NKAIN1: variants seen among roughly 807,000 people sequenced by gnomAD.
NKAIN1 encodes sodium/potassium-transporting ATPase subunit beta-1-interacting protein 1.
A neutral mutation model predicts 31.6 loss-of-function variants in NKAIN1; 13 were observed. The ratio of observed to expected loss-of-function variants is 0.41; its 90% CI spans 0.27 to 0.65. NKAIN1 has a LOEUF of 0.65. Ranked by LOEUF, NKAIN1 falls within the 30% of genes least tolerant of loss-of-function variation. The pLI, the probability that NKAIN1 is intolerant of heterozygous loss-of-function variation, is 0.30. For synonymous variants in NKAIN1, 104 were observed against 109.0 expected (o/e 0.95, Z 0.28); for missense variants, 193 against 262.2 (o/e 0.74, Z 1.82).
intron 1 of NKAIN1, among the ~76,000 whole-genome samples, chr1:31,222,372 C>A (rs1360521662): frequency 6.6e-6 from 1 of 152,224 alleles, no homozygotes; most frequent in East Asian, 1.9e-4. Flanking sequence ...GGGACCCCTG[C>A]TGGGCAAAGG....
chr1:31,218,652 A>G (rs936899849), intron 1 of NKAIN1, among the ~76,000 whole-genome samples: 3 of 152,196 alleles, frequency 2.0e-5, no homozygotes, highest in Non-Finnish European at 4.4e-5. Context: ...AGAGTTGATC[A>G]GGTGCATCAA....
chr1:31,210,768 C>T (rs932338465), intron 1 of NKAIN1, among the ~76,000 whole-genome samples: 2 of 152,096 alleles, frequency 1.3e-5, no homozygotes, highest in African/African-American at 2.4e-5. Context: ...AGGGTCCAAC[C>T]CTGAAGTTAG....
intron 1 of NKAIN1, among the ~76,000 whole-genome samples, chr1:31,195,611 C>T (rs571940019): frequency 6.6e-6 from 1 of 151,996 alleles, no homozygotes; most frequent in South Asian, 2.1e-4. Flanking sequence ...AGCTCAAAGC[C>T]TCTCCCATTA....
rs145353476 is a variant in NKAIN1 at position 31,188,080 on chromosome 1, G to A, written c.162C>T (p.Thr54=). The A allele has an allele frequency of 5.9e-5, 91 of 1,553,998 alleles. No individual in the cohort carries two copies. The African/African-American group carries it at 9.1e-4, about 16-fold the overall frequency. The change falls in exon 2 of 7, where the codon ACC becomes ACT. Residue 54 remains threonine (T), a synonymous_variant. Transcript: ENST00000373736. The part of the protein sequence containing the change: ...IMAVILGIFG[T]VQYRSRYLIL... ...TGAGGTACCGGGAGCGGTACTGCACGGTGCCAAAGATGCCCAGGATGACTG... is the reference window on the plus strand; with the variant it reads ...TGAGGTACCGGGAGCGGTACTGCACAGTGCCAAAGATGCCCAGGATGACTG...
chr1:31,216,201 G>A lies in NKAIN1; in HGVS notation c.54+23293C>T, dbSNP rs76928715. 2.5e-3 allele frequency among the ~76,000 whole-genome samples: 387 copies of A among 152,084 alleles called. 1 individual carries two copies. Among genetic ancestry groups the A allele is most frequent in the African/African-American group, 9.0e-3 (371 of 41,402 alleles). Reference sequence around the variant, plus strand: ...CATTTCCTGGCCCTGGGCCAGAGGCGGCTGGTTGGATCTGTTGGAGGAAGC... The same window carrying A: ...CATTTCCTGGCCCTGGGCCAGAGGCAGCTGGTTGGATCTGTTGGAGGAAGC... On this transcript the variant is annotated intron_variant, in intron 1 of 6. Coordinates refer to ENST00000373736, the MANE Select transcript of NKAIN1 (RefSeq NM_024522.3).
At chr1:31,202,223 G>A (rs1645385733) in intron 1 of NKAIN1, among the ~76,000 whole-genome samples, 1 of 152,198 alleles carries the variant, frequency 6.6e-6, no homozygotes, top group South Asian at 2.1e-4. Flanking sequence ...GGCTCTGCAA[G>A]CCCCTTCTGG....
chr1:31,200,919 C>T (rs527764606), intron 1 of NKAIN1, among the ~76,000 whole-genome samples: 24 of 151,578 alleles, frequency 1.6e-4, no homozygotes, highest in Non-Finnish European at 3.2e-4. Flanking sequence ...CTGCAACCTC[C>T]GCCTCCCTGG....
chr1:31,185,858 G>T (rs1645237558), intron 2 of NKAIN1, among the ~76,000 whole-genome samples: 1 of 152,116 alleles, frequency 6.6e-6, no homozygotes, highest in South Asian at 2.1e-4. Flanking sequence ...CCACTAGAGG[G>T]CGAGGACTCT....
intron 1 of NKAIN1, among the ~76,000 whole-genome samples, chr1:31,197,697 C>T (rs1026116674): frequency 8.0e-5 from 12 of 150,738 alleles, no homozygotes; most frequent in African/African-American, 2.4e-4. Flanking sequence ...CAGGCACCTG[C>T]CACCAAGCCC....
intron 1 of NKAIN1, among the ~76,000 whole-genome samples, chr1:31,200,225 C>G (rs1463926392): frequency 3.3e-5 from 5 of 152,198 alleles, no homozygotes; most frequent in Admixed American, 1.3e-4. Flanking sequence ...GTGAAAAAAG[C>G]AAGCTGCAGA....
At chr1:31,229,651 G>T (rs1645631484) in intron 1 of NKAIN1, among the ~76,000 whole-genome samples, 1 of 152,062 alleles carries the variant, frequency 6.6e-6, no homozygotes, top group Admixed American at 6.6e-5. Context: ...ACAGGAGAAA[G>T]ATGAGGTCAC....
Position 31,181,658 on chromosome 1 carries a change from G to A in NKAIN1, c.*45C>T. On this transcript the variant is annotated 3_prime_UTR_variant, in exon 7 of 7. Transcript: ENST00000373736. ...GCCTTGGCCCGAGCTCGCGGCAGCTGCGGTCAGCCCAGGGCGAGGCGCCGG... is the reference window on the plus strand; with the variant it reads ...GCCTTGGCCCGAGCTCGCGGCAGCTACGGTCAGCCCAGGGCGAGGCGCCGG... 7.0e-7 allele frequency: 1 copy of A among 1,430,860 alleles called. No homozygotes were observed. The highest frequency in any genetic ancestry group is 9.2e-7 in the Non-Finnish European group (1 of 1,086,138). The allele number at this position is 1,430,860 out of a possible 1,614,324, so 88.6% of individuals were successfully genotyped here. A position where few individuals can be genotyped will look rare whatever the true frequency, so the allele number is the denominator to read the frequency against.
chr1:31,210,646 G>A (rs926226027), intron 1 of NKAIN1, among the ~76,000 whole-genome samples: 1 of 152,136 alleles, frequency 6.6e-6, no homozygotes, highest in African/African-American at 2.4e-5. Flanking sequence ...CTAACAGTAG[G>A]TCACTCAACA....
intron 5 of NKAIN1, 79 bp downstream of exon 5, chr1:31,182,451 G>C: frequency 6.6e-7 from 1 of 1,526,566 alleles, no homozygotes. Flanking sequence ...CCTCCCGCCG[G>C]GGCCAGTCAC....
chr1:31,184,626 G>T (rs1645228558), intron 3 of NKAIN1, among the ~76,000 whole-genome samples: 1 of 152,080 alleles, frequency 6.6e-6, no homozygotes, highest in South Asian at 2.1e-4. Flanking sequence ...CTTGCCCAGG[G>T]TAATACAGCT....
chr1:31,199,890 C>T (rs778471405), intron 1 of NKAIN1, among the ~76,000 whole-genome samples: 1 of 152,098 alleles, frequency 6.6e-6, no homozygotes, highest in South Asian at 2.1e-4. Flanking sequence ...AGACAGAGAC[C>T]ACTGTCCTCT....
chr1:31,238,696 T>TG (rs1466262479), intron 1 of NKAIN1, among the ~76,000 whole-genome samples: 2 of 152,148 alleles, frequency 1.3e-5, no homozygotes, highest in African/African-American at 2.4e-5. Flanking sequence ...TCCCCACTGT[T>TG]GCTGGCCCCG....
chr1:31,230,590 A>G (rs1203830472), intron 1 of NKAIN1, among the ~76,000 whole-genome samples: 1 of 152,178 alleles, frequency 6.6e-6, no homozygotes, highest in Non-Finnish European at 1.5e-5. Flanking sequence ...CTCATCTGTG[A>G]ATCAATCGAC....
rs61778278 is a variant in NKAIN1, at chr1:31,198,751, G to A, written c.55-10564C>T. ...CCACCCCTAATTATTTATTTATCAG[G>A]TAGCTGCCAGCTGAAGGGGGATGCC... On this transcript the variant is annotated intron_variant, in intron 1 of 6. Transcript: ENST00000373736. Among the ~76,000 whole-genome samples the A allele has an allele frequency of 6.3e-3, 940 of 148,220 alleles. 3 individuals carry two copies. Among genetic ancestry groups the A allele is most frequent in the Middle Eastern group, 0.031 (9 of 292 alleles).
Sources: allele counts gnomAD v4.1 joint callset (sites outside exome capture counted in the v4.1 genomes callset), GRCh38; gene constraint gnomAD v4.1.1; transcripts MANE v1.5; gene names NCBI Gene and HGNC (gene_info 2026-07-23, HGNC 2026-07-21).